Variants in SGIP1 observed in about 807,000 individuals in gnomAD.
SGIP1 encodes SH3GL interacting endocytic adaptor 1.
Under a neutral mutation model 107.5 loss-of-function variants are expected in SGIP1, and 38 were observed. That is an observed-to-expected ratio of 0.35 (90% confidence interval 0.27 to 0.46). The LOEUF is 0.46. SGIP1 is among the 20% of genes least tolerant of loss of function. The probability of loss-of-function intolerance (pLI) is 1.00; values close to 1 mark genes in which losing one functional copy is unlikely to be tolerated. For synonymous variants in SGIP1, 365 were observed against 366.1 expected (o/e 1.00, Z 0.03); for missense variants, 929 against 1,019.5 (o/e 0.91, Z 1.21).
intron 8 of SGIP1, 42 bp downstream of exon 8, chr1:66,660,566 T>C: frequency 2.6e-6 from 4 of 1,564,456 alleles, no homozygotes; most frequent in Middle Eastern, 1.7e-4. Context: ...AAACATTATT[T>C]ATTCTGTTTA....
intron 1 of SGIP1, among the ~76,000 whole-genome samples, chr1:66,573,250 A>C (rs1002479529): frequency 2.7e-5 from 4 of 150,654 alleles, no homozygotes; most frequent in South Asian, 4.1e-4. Flanking sequence ...TATTACTAAA[A>C]AGTCTAAAAA....
intron 1 of SGIP1, among the ~76,000 whole-genome samples, chr1:66,549,372 G>A (rs1439289283): frequency 6.6e-6 from 1 of 152,144 alleles, no homozygotes; most frequent in Admixed American, 6.6e-5. Context: ...GAAGCTTACA[G>A]TTTAGTGACA....
At chr1:66,557,974 T>C (rs532331079) in intron 1 of SGIP1, among the ~76,000 whole-genome samples, 8 of 152,252 alleles carry the variant, frequency 5.3e-5, no homozygotes, top group African/African-American at 1.7e-4. Context: ...TGCTGGAGCA[T>C]GAGCTCTGCG....
At chr1:66,606,292 G>A (rs2066826894) in intron 1 of SGIP1, among the ~76,000 whole-genome samples, 1 of 152,208 alleles carries the variant, frequency 6.6e-6, no homozygotes, top group Admixed American at 6.5e-5. Flanking sequence ...CAAGGTATGT[G>A]AAAGGGTTTA....
intron 18 of SGIP1, among the ~76,000 whole-genome samples, chr1:66,709,006 T>C (rs369347828): frequency 6.6e-6 from 1 of 152,092 alleles, no homozygotes; most frequent in African/African-American, 2.4e-5. Context: ...TGTTTTTGTT[T>C]GTTTTGTTTT....
At chr1:66,738,668 A>C (rs1304124653) in intron 21 of SGIP1, among the ~76,000 whole-genome samples, 1 of 152,212 alleles carries the variant, frequency 6.6e-6, no homozygotes, top group East Asian at 1.9e-4. Flanking sequence ...GGAAGTAAAA[A>C]CTAGAAGTAA....
At chr1:66,562,857 T>A (rs932095534) in intron 1 of SGIP1, among the ~76,000 whole-genome samples, 2 of 152,018 alleles carry the variant, frequency 1.3e-5, no homozygotes, top group African/African-American at 4.8e-5. Context: ...GGCCAGGCAA[T>A]TTGGCAGGTG....
At chr1:66,601,519 A>G (rs966362321) in intron 1 of SGIP1, among the ~76,000 whole-genome samples, 1 of 151,634 alleles carries the variant, frequency 6.6e-6, no homozygotes, top group Non-Finnish European at 1.5e-5. Context: ...GAGTATGTGC[A>G]TGTGTGTGTG....
intron 1 of SGIP1, among the ~76,000 whole-genome samples, chr1:66,549,862 G>T (rs1156601426): frequency 1.3e-5 from 2 of 152,096 alleles, no homozygotes; most frequent in East Asian, 3.9e-4. Context: ...TGACTCCCCA[G>T]AATCCTTAGA....
chr1:66,733,969 C>A, intron 21 of SGIP1, 89 bp downstream of exon 21: 1 of 1,379,460 alleles, frequency 7.2e-7, no homozygotes, highest in Non-Finnish European at 9.7e-7. Context: ...ACTAAAGTAA[C>A]ACTTCTTTTA....
At chr1:66,575,749 T>C (rs940599535) in intron 1 of SGIP1, among the ~76,000 whole-genome samples, 3 of 152,202 alleles carry the variant, frequency 2.0e-5, no homozygotes, top group Non-Finnish European at 4.4e-5. Context: ...GGACTTTATT[T>C]TCCATTCACA....
chr1:66,711,461 TA>T (rs1451620920), intron 18 of SGIP1, among the ~76,000 whole-genome samples: 3 of 152,210 alleles, frequency 2.0e-5, no homozygotes, highest in African/African-American at 7.2e-5. Context: ...ATGTATAACA[TA>T]TTCTATAAAT....
chr1:66,750,003 C>CTA lies in SGIP1; in HGVS notation c.*6909_*6910insAT, dbSNP rs1553200182. On this transcript the variant is annotated 3_prime_UTR_variant, in exon 25 of 25. Transcript: ENST00000371037. ...CTCCTATCTAATTCATATTCTCTCTCTCTCTCTCTCTCTTTCTCTGTGTGT... is the reference window on the plus strand; with the variant it reads ...CTCCTATCTAATTCATATTCTCTCTCTATCTCTCTCTCTCTTTCTCTGTGTGT... 1.3e-5 allele frequency among the ~76,000 whole-genome samples: 2 copies of CTA among 150,772 alleles called. No homozygotes were observed. The highest frequency in any genetic ancestry group is 2.4e-5 in the African/African-American group (1 of 40,998).
chr1:66,589,711 T>G (rs1353425995), intron 1 of SGIP1, among the ~76,000 whole-genome samples: 2 of 152,184 alleles, frequency 1.3e-5, no homozygotes, highest in African/African-American at 4.8e-5. Flanking sequence ...CCTAAGATAT[T>G]TTCTTTAAGT....
chr1:66,609,626 A>G (rs2067536141), intron 1 of SGIP1, among the ~76,000 whole-genome samples: 1 of 152,196 alleles, frequency 6.6e-6, no homozygotes, highest in South Asian at 2.1e-4. Flanking sequence ...GCACTAGTTA[A>G]GCCAAATGGG....
At chr1:66,604,065 A>G (rs1163967704) in intron 1 of SGIP1, among the ~76,000 whole-genome samples, 2 of 152,178 alleles carry the variant, frequency 1.3e-5, no homozygotes, top group East Asian at 1.9e-4. Context: ...AATCCCCGTT[A>G]TATGTGTTAG....
Position 66,671,017 on chromosome 1 carries a change from C to A in SGIP1, c.506C>A (p.Ser169Tyr). The change falls in exon 10 of 25, where the codon TCC becomes TAC. Residue 169 changes from serine (S) to tyrosine (Y), a missense_variant and splice_region_variant. Transcript: ENST00000371037. ...RSPGAIKRNL[S>Y]SEEVARPRRS... Reference sequence around the variant, plus strand: ...TAGGGTGCAATTAAAAGGAACTTATCCAGTAAGTATATCTTAGCTACCAGA... The same window carrying A: ...TAGGGTGCAATTAAAAGGAACTTATACAGTAAGTATATCTTAGCTACCAGA... 1.4e-6 allele frequency: 2 copies of A among 1,390,118 alleles called. No individual in the cohort carries two copies. Among genetic ancestry groups the A allele is most frequent in the Non-Finnish European group, 2.0e-6 (2 of 1,006,240 alleles). 86.1% of individuals were successfully genotyped at this position (1,390,118 alleles called of 1,614,324 possible).
chr1:66,556,233 G>A (rs1183094871), intron 1 of SGIP1, among the ~76,000 whole-genome samples: 1 of 152,032 alleles, frequency 6.6e-6, no homozygotes, highest in Non-Finnish European at 1.5e-5. Flanking sequence ...CTTATAAATA[G>A]GTCTGCTCTT....
chr1:66,651,722 G>C (rs566899432), intron 7 of SGIP1, among the ~76,000 whole-genome samples: 1 of 152,156 alleles, frequency 6.6e-6, no homozygotes, highest in Admixed American at 6.5e-5. Flanking sequence ...CATGACAGGA[G>C]AGCGAGGCTG....
Sources: allele counts gnomAD v4.1 joint callset (sites outside exome capture counted in the v4.1 genomes callset), GRCh38; gene constraint gnomAD v4.1.1; transcripts MANE v1.5; gene names NCBI Gene and HGNC (gene_info 2026-07-23, HGNC 2026-07-21).